Variants in PLA2G6 observed in about 807,000 individuals in gnomAD.
The protein encoded by PLA2G6 is 85/88 kDa calcium-independent phospholipase A2.
PLA2G6 carries 62 observed loss-of-function variants against 83.8 expected under a neutral mutation model. The observed-to-expected ratio is 0.74, with a 90% CI of 0.60 to 0.91. The LOEUF is 0.91. Ranked by LOEUF, PLA2G6 falls within the 40% of genes least tolerant of loss-of-function variation. The pLI is 0.00. For missense variants in PLA2G6, 944 were observed against 1,102.0 expected (o/e 0.86, Z 2.03); for synonymous variants, 417 against 449.8 (o/e 0.93, Z 0.92).
In PLA2G6 at chr22:38,123,178, G is replaced by T. The variant is rs1216926142; in HGVS notation, c.1508C>A (p.Ala503Asp). 6.4e-7 allele frequency: 1 copy of T among 1,552,144 alleles called. No individual in the cohort carries two copies. Among genetic ancestry groups the T allele is most frequent in the South Asian group, 1.2e-5 (1 of 84,052 alleles). ...IIQLLIAIEK[A>D]SGVATKDLFD... ...CAGGTCCTTGGTGGCCACACCCGAGGCCTTCTCGATGGCGATGAGGAGCTG... is the reference window on the plus strand; with the variant it reads ...CAGGTCCTTGGTGGCCACACCCGAGTCCTTCTCGATGGCGATGAGGAGCTG... Residue 503 changes from alanine to aspartate, a missense_variant, in exon 11 of 17, where the codon GCC (alanine) becomes GAC (aspartate). By Grantham distance (126) the Ala-to-Asp change is moderately radical (BLOSUM62 -2). Transcript: ENST00000332509. The surrounding 1 kb of genome is among the most constrained non-coding windows in gnomAD (Gnocchi z 4.1).
chr22:38,169,075 A>G (rs1330533456), intron 2 of PLA2G6, 143 bp downstream of exon 2: 1 of 713,184 alleles, frequency 1.4e-6, no homozygotes, highest in Admixed American at 2.0e-5. Context: ...CTGGTCCAAG[A>G]GTACAGTCTC....
chr22:38,140,384 T>C (rs1300358091), intron 4 of PLA2G6: 9 of 530,018 alleles, frequency 1.7e-5, no homozygotes, highest in Non-Finnish European at 2.4e-5. Context: ...GGCAGGCACC[T>C]GTAATCCCAG....
chr22:38,112,049 T>TGGGAGACCCA lies in PLA2G6; in HGVS notation c.*111_*112insTGGGTCTCCC, dbSNP rs2086893660. The TGGGAGACCCA allele has an allele frequency of 3.1e-6, 4 of 1,284,630 alleles. No homozygotes were observed. Among genetic ancestry groups the TGGGAGACCCA allele is most frequent in the Non-Finnish European group, 4.4e-6 (4 of 908,528 alleles). The allele number at this position is 1,284,630 out of a possible 1,614,324, so 79.6% of individuals were successfully genotyped here. ...TTGGCATTCTCCCAGGCCTGGTCTA[T>TGGGAGACCCA]GGACTCAGAGGTGCCTGGGCCCAGA... On this transcript the variant is annotated 3_prime_UTR_variant, in exon 17 of 17. Transcript: ENST00000332509.
intron 12 of PLA2G6, among the ~76,000 whole-genome samples, chr22:38,117,806 G>A (rs1018064551): frequency 1.3e-5 from 2 of 152,046 alleles, no homozygotes; most frequent in African/African-American, 4.8e-5. Flanking sequence ...GGGAGGCCGA[G>A]GTGGGTGGAT....
intron 2 of PLA2G6, among the ~76,000 whole-genome samples, chr22:38,160,290 A>G (rs1323758108): frequency 6.6e-6 from 1 of 152,210 alleles, no homozygotes. Context: ...CTGCTTGGAA[A>G]ACAGACGGGC....
chr22:38,138,557 T>C (rs2088693321), intron 5 of PLA2G6: 1 of 152,494 alleles, frequency 6.6e-6, no homozygotes, highest in Admixed American at 6.5e-5. Context: ...GTGGCTGGGG[T>C]GTCTCCTGTC....
chr22:38,171,925 G>C (rs1381798779), intron 1 of PLA2G6, among the ~76,000 whole-genome samples: 1 of 152,056 alleles, frequency 6.6e-6, no homozygotes, highest in Non-Finnish European at 1.5e-5. Flanking sequence ...GCCTCTCAAA[G>C]TGCTGGGATT....
At chr22:38,160,152 C>T (rs2089952719) in intron 2 of PLA2G6, among the ~76,000 whole-genome samples, 1 of 152,144 alleles carries the variant, frequency 6.6e-6, no homozygotes, top group Non-Finnish European at 1.5e-5. Context: ...ACTTCATTTG[C>T]AATCAGGCAA....
chr22:38,143,061 C>CG, intron 4 of PLA2G6, 44 bp downstream of exon 4: 3 of 1,576,214 alleles, frequency 1.9e-6, no homozygotes, highest in Non-Finnish European at 2.6e-6. Context: ...CCGTGGACAC[C>CG]GGGAGGTATC....
At chr22:38,170,794 A>C (rs2090406798) in intron 1 of PLA2G6, among the ~76,000 whole-genome samples, 2 of 152,152 alleles carry the variant, frequency 1.3e-5, no homozygotes, top group African/African-American at 4.8e-5. Context: ...TGTGCTGAGC[A>C]CAGGATCAAC....
At chr22:38,152,399 T>A (rs1254791091) in intron 2 of PLA2G6, among the ~76,000 whole-genome samples, 2 of 149,052 alleles carry the variant, frequency 1.3e-5, no homozygotes, top group East Asian at 2.1e-4. Context: ...AGAGACAGGG[T>A]TTCTCCATGT....
At chr22:38,164,914 AC>A (rs2090158031) in intron 2 of PLA2G6, among the ~76,000 whole-genome samples, 1 of 151,928 alleles carries the variant, frequency 6.6e-6, no homozygotes, top group South Asian at 2.1e-4. Context: ...CACTGCAATG[AC>A]CACCCCCGGC....
At chr22:38,116,498 T>C (rs1602070447) in intron 12 of PLA2G6, 2 of 563,156 alleles carry the variant, frequency 3.6e-6, no homozygotes. Flanking sequence ...AACATGGCTG[T>C]TATCTGTTAT....
At chr22:38,170,705 A>G (rs2090404761) in intron 1 of PLA2G6, among the ~76,000 whole-genome samples, 1 of 152,128 alleles carries the variant, frequency 6.6e-6, no homozygotes, top group Admixed American at 6.6e-5. Context: ...AAAGACACTA[A>G]GGACAGAGTA....
At chr22:38,135,676 T>C (rs2088508189) in intron 5 of PLA2G6, 1 of 152,526 alleles carries the variant, frequency 6.6e-6, no homozygotes, top group Non-Finnish European at 1.5e-5. Flanking sequence ...AGGCCCCGCC[T>C]GGCCCAAAGA....
At chr22:38,156,522 C>T (rs1336647375) in intron 2 of PLA2G6, among the ~76,000 whole-genome samples, 1 of 151,920 alleles carries the variant, frequency 6.6e-6, no homozygotes, top group East Asian at 1.9e-4. Flanking sequence ...GGCGCGATCT[C>T]GGCTCACTAC....
chr22:38,132,703 G>T lies in PLA2G6; in HGVS notation c.1077+128C>A. On this transcript the variant is annotated intron_variant, in intron 7 of 16. Coordinates refer to ENST00000332509, the MANE Select transcript of PLA2G6 (RefSeq NM_003560.4). This position sits in a 1 kb window ranked among gnomAD's most constrained non-coding sequence, Gnocchi z 5.0. ...GGAGTCAGGGTCTGAACTGAGCTTT[G>T]GGTGGGAAGATGATTTGGAGCAGCT... 4.6e-6 allele frequency: 4 copies of T among 868,060 alleles called. No individual in the cohort carries two copies. The highest frequency in any genetic ancestry group is 1.6e-5 in the South Asian group (1 of 61,750). 53.8% of individuals were successfully genotyped at this position (868,060 alleles called of 1,614,324 possible). A position where few individuals can be genotyped will look rare whatever the true frequency, so the allele number is the denominator to read the frequency against.
intron 2 of PLA2G6, among the ~76,000 whole-genome samples, chr22:38,158,168 TTC>T: frequency 6.6e-6 from 1 of 151,324 alleles, no homozygotes; most frequent in Non-Finnish European, 1.5e-5. Context: ...TCTTTTTCTT[TTC>T]TTTTTTTTTT....
intron 15 of PLA2G6, 29 bp from the exon 16 acceptor site, chr22:38,112,606 G>A (rs867575285): frequency 2.4e-5 from 37 of 1,535,372 alleles, no homozygotes; most frequent in African/African-American, 4.1e-5. Context: ...GGTGAGTGCC[G>A]GGCCCACACC....
Sources: allele counts gnomAD v4.1 joint callset (sites outside exome capture counted in the v4.1 genomes callset), GRCh38; gene constraint gnomAD v4.1.1; non-coding constraint Gnocchi (gnomAD v3.1); transcripts MANE v1.5; gene names NCBI Gene and HGNC (gene_info 2026-07-23, HGNC 2026-07-21).